PIP5K1C: variants seen among roughly 807,000 people sequenced by gnomAD.
The protein encoded by PIP5K1C is phosphatidylinositol 4-phosphate 5-kinase type-1 gamma.
Under a neutral mutation model 80.1 loss-of-function variants are expected in PIP5K1C, and 45 were observed. The ratio of observed to expected loss-of-function variants is 0.56; its 90% CI spans 0.44 to 0.72. PIP5K1C has a LOEUF of 0.72. PIP5K1C is among the 30% of genes least tolerant of loss of function. The pLI is 0.00. For missense variants in PIP5K1C, 753 were observed against 954.6 expected, an observed-to-expected ratio of 0.79 and a Z score of 2.78; for synonymous variants, 498 against 420.1, an observed-to-expected ratio of 1.19 and a Z score of -2.27.
At position 3,630,984 on chromosome 19, in the gene PIP5K1C, C is replaced by T. The variant is rs2033453133; in HGVS notation, c.*2183G>A. On this transcript the variant is annotated 3_prime_UTR_variant, in exon 18 of 18. Coordinates refer to ENST00000335312, the MANE Select transcript of PIP5K1C (RefSeq NM_012398.3). ...AGTGGAGCACGTCAGCCTCGGTTTA[C>T]AGTTCTCTGAAAAGGAACCAAAAAA... 6.6e-6 allele frequency: 1 copy of T among 152,300 alleles called. No individual in the cohort carries two copies. The highest frequency in any genetic ancestry group is 2.1e-4 in the South Asian group (1 of 4,838). 9.4% of individuals were successfully genotyped at this position (152,300 alleles called of 1,614,324 possible). A position where few individuals can be genotyped will look rare whatever the true frequency, so the allele number is the denominator to read the frequency against.
intron 1 of PIP5K1C, among the ~76,000 whole-genome samples, chr19:3,680,306 C>T (rs553221134): frequency 6.3e-4 from 96 of 152,264 alleles, no homozygotes; most frequent in Non-Finnish European, 1.2e-3. Context: ...ATGCAACTGT[C>T]TTTTCTTTTT....
rs966681732 is a variant in PIP5K1C at position 3,688,560 on chromosome 19, ACT to A, written c.94+11735_94+11736del. Among the ~76,000 whole-genome samples the A allele has an allele frequency of 2.0e-5, 3 of 152,080 alleles. No homozygotes were observed. Among genetic ancestry groups the A allele is most frequent in the Non-Finnish European group, 4.4e-5 (3 of 68,004 alleles). ...TGAGCACCTGGCCTTTCCCTGGTCC[ACT>A]GAGAGCCGCGTGTGTTTTTTGCGGT... On this transcript the variant is annotated intron_variant, in intron 1 of 17. Coordinates refer to ENST00000335312, the MANE Select transcript of PIP5K1C (RefSeq NM_012398.3). The surrounding 1 kb of genome is among the most constrained non-coding windows in gnomAD (Gnocchi z 5.3).
At chr19:3,644,512 G>T (rs757571356) in intron 11 of PIP5K1C, among the ~76,000 whole-genome samples, 1 of 152,158 alleles carries the variant, frequency 6.6e-6, no homozygotes, top group African/African-American at 2.4e-5. Context: ...TGCCCCTCCT[G>T]GGATCCTGCA....
intron 1 of PIP5K1C, among the ~76,000 whole-genome samples, chr19:3,683,723 C>A (rs961898413): frequency 6.6e-6 from 1 of 152,100 alleles, no homozygotes; most frequent in Non-Finnish European, 1.5e-5. Context: ...AGGAGCCAGG[C>A]GGGGGAAGGG....
At position 3,633,275 on chromosome 19, in the gene PIP5K1C, G is replaced by C. The variant is rs542690; in HGVS notation, c.2005-106C>G. 336,318 of 680,774 alleles carry C rather than the reference G, an allele frequency of 0.49. 92,337 individuals carry two copies. Among genetic ancestry groups the C allele is most frequent in the Non-Finnish European group, 0.6 (222,408 of 373,032 alleles). The allele number at this position is 680,774 out of a possible 1,614,324, so 42.2% of individuals were successfully genotyped here. ...GCCAACACAGGCCCTGAGACACTTA[G>C]CCCACGGCCACCTCAGAGCCAGAGA... On this transcript the variant is annotated intron_variant, in intron 17 of 17. Coordinates refer to ENST00000335312, the MANE Select transcript of PIP5K1C (RefSeq NM_012398.3).
At chr19:3,678,680 AT>A (rs1384777758) in intron 1 of PIP5K1C, among the ~76,000 whole-genome samples, 8 of 114,378 alleles carry the variant, frequency 7.0e-5, no homozygotes, top group Non-Finnish European at 1.2e-4. Flanking sequence ...GGATGGCGAG[AT>A]GGAGGGATGG....
chr19:3,695,318 C>T (rs1281656833), intron 1 of PIP5K1C, among the ~76,000 whole-genome samples: 2 of 152,144 alleles, frequency 1.3e-5, no homozygotes, highest in African/African-American at 2.4e-5. Context: ...ACCTGGGCCC[C>T]GGAAGCAGCA....
At chr19:3,646,892 G>T (rs776200291) in intron 10 of PIP5K1C, among the ~76,000 whole-genome samples, 1 of 151,978 alleles carries the variant, frequency 6.6e-6, no homozygotes, top group Non-Finnish European at 1.5e-5. Flanking sequence ...TGGGACGACA[G>T]ACAGGAGGAC....
At chr19:3,687,704 G>A (rs1250995753) in intron 1 of PIP5K1C, among the ~76,000 whole-genome samples, 1 of 152,166 alleles carries the variant, frequency 6.6e-6, no homozygotes, top group Non-Finnish European at 1.5e-5. Flanking sequence ...ACACCTGGGG[G>A]ACCCCAGCAC....
At position 3,648,190 on chromosome 19, in the gene PIP5K1C, T is replaced by C. The variant is rs78764287; in HGVS notation, c.1211+435A>G. Among the ~76,000 whole-genome samples the C allele has an allele frequency of 2.2e-3, 327 of 152,008 alleles. 1 individual carries two copies. The highest frequency in any genetic ancestry group is 7.6e-3 in the African/African-American group (316 of 41,420). On this transcript the variant is annotated intron_variant, in intron 9 of 17. Coordinates refer to ENST00000335312, the MANE Select transcript of PIP5K1C (RefSeq NM_012398.3). The surrounding 1 kb of genome is among the most constrained non-coding windows in gnomAD (Gnocchi z 4.3). ...CAGGAGCACCACCACGCTCAGCTAATTTTTTGATATTTTGTAGAGATGGGG... is the reference window on the plus strand; with the variant it reads ...CAGGAGCACCACCACGCTCAGCTAACTTTTTGATATTTTGTAGAGATGGGG...
At chr19:3,698,950 C>A (rs1301044926) in intron 1 of PIP5K1C, among the ~76,000 whole-genome samples, 5 of 148,788 alleles carry the variant, frequency 3.4e-5, no homozygotes, top group Admixed American at 2.7e-4. Flanking sequence ...CCCACCCCCC[C>A]ACTCCCCCGC....
chr19:3,692,140 T>C lies in PIP5K1C; in HGVS notation c.94+8157A>G, dbSNP rs2035969638. On this transcript the variant is annotated intron_variant, in intron 1 of 17. Coordinates refer to ENST00000335312, the MANE Select transcript of PIP5K1C (RefSeq NM_012398.3). This position sits in a 1 kb window ranked among gnomAD's most constrained non-coding sequence, Gnocchi z 5.2. ...CTCTGAGCCTTTTGTGTGCATTGAC[T>C]CATCTAATCCTCAAGGGACATTGCT... Among the ~76,000 whole-genome samples, 2 of 152,168 alleles carry C rather than the reference T, an allele frequency of 1.3e-5. No individual in the cohort carries two copies. The highest frequency in any genetic ancestry group is 2.9e-5 in the Non-Finnish European group (2 of 68,018).
intron 8 of PIP5K1C, chr19:3,649,886 C>T (rs1173134111): frequency 3.9e-5 from 11 of 283,114 alleles, no homozygotes; most frequent in African/African-American, 1.4e-4. Flanking sequence ...CCCTGCCCAG[C>T]GCGGTTAGTG....
intron 1 of PIP5K1C, among the ~76,000 whole-genome samples, chr19:3,675,505 C>T (rs779868300): frequency 5.3e-5 from 8 of 152,288 alleles, no homozygotes; most frequent in Non-Finnish European, 1.0e-4. Flanking sequence ...CATCATGGAC[C>T]AAGGCTTTTG....
At position 3,691,396 on chromosome 19, in the gene PIP5K1C, C is replaced by A. The variant is rs113616886; in HGVS notation, c.94+8901G>T. ...GGATTCCTAAACGTTGCAAACGGCC[C>A]GCCTGCGAGCACACTGTGACGTGCA... On this transcript the variant is annotated intron_variant, in intron 1 of 17. Transcript: ENST00000335312. 6.1e-3 allele frequency among the ~76,000 whole-genome samples: 924 copies of A among 152,274 alleles called. 8 individuals carry two copies. Among genetic ancestry groups the A allele is most frequent in the African/African-American group, 0.021 (873 of 41,542 alleles).
chr19:3,661,300 A>G (rs1456470775), intron 4 of PIP5K1C, among the ~76,000 whole-genome samples: 1 of 131,946 alleles, frequency 7.6e-6, no homozygotes, highest in African/African-American at 2.7e-5. Context: ...CGGGGCCCAC[A>G]GTGTTGGCCA....
rs771293871 is a variant in PIP5K1C at position 3,660,993 on chromosome 19, G to C, written c.441C>G (p.Leu147=). 1 of 1,613,732 alleles carries C rather than the reference G, an allele frequency of 6.2e-7. No individual in the cohort carries two copies. Among genetic ancestry groups the C allele is most frequent in the African/African-American group, 1.3e-5 (1 of 74,898 alleles). Residue 147 remains leucine, a synonymous_variant, in exon 5 of 18, where the codon CTC becomes CTG. Coordinates refer to ENST00000335312, the MANE Select transcript of PIP5K1C (RefSeq NM_012398.3). ...APVAFRYFRE[L]FGIRPDDYLY... is the part of the protein sequence containing the mutation. Reference sequence around the variant, plus strand: ...AGTAATCATCTGGCCGGATCCCAAAGAGCTCCCGGAAGTAGCGGAAGGCGA... The same window carrying C: ...AGTAATCATCTGGCCGGATCCCAAACAGCTCCCGGAAGTAGCGGAAGGCGA...
At chr19:3,685,832 G>C (rs1243046407) in intron 1 of PIP5K1C, among the ~76,000 whole-genome samples, 3 of 152,154 alleles carry the variant, frequency 2.0e-5, no homozygotes, top group Non-Finnish European at 4.4e-5. Context: ...AGTTGTGACA[G>C]AGACCATCTG....
intron 8 of PIP5K1C, among the ~76,000 whole-genome samples, chr19:3,650,813 A>G (rs190659576): frequency 4.6e-5 from 7 of 151,996 alleles, no homozygotes; most frequent in African/African-American, 1.7e-4. Context: ...CTGGAGTGCA[A>G]TAGCTCAATC....
Sources: allele counts gnomAD v4.1 joint callset (sites outside exome capture counted in the v4.1 genomes callset), GRCh38; gene constraint gnomAD v4.1.1; non-coding constraint Gnocchi (gnomAD v3.1); transcripts MANE v1.5; gene names NCBI Gene and HGNC (gene_info 2026-07-23, HGNC 2026-07-21).